The following RYR3 variants were observed in gnomAD, a reference collection of about 807,000 sequenced individuals.
The protein encoded by RYR3 is ryanodine receptor 3.
In RYR3, 207 loss-of-function variants were observed where a neutral mutation model predicts 584.3. That is an observed-to-expected ratio of 0.35 (90% CI 0.32 to 0.40). The LOEUF (loss-of-function observed/expected upper bound fraction) is 0.40, where lower values mean the gene tolerates loss of function less well. Ranked by LOEUF, RYR3 falls within the 10% of genes least tolerant of loss-of-function variation. The pLI is 1.00. For missense variants in RYR3, 5,616 were observed against 6,089.2 expected (o/e 0.92, Z 2.59); for synonymous variants, 2,416 against 2,248.5 (o/e 1.07, Z -2.11).
In RYR3 at chr15:33,819,773, C is replaced by G; in HGVS notation, c.10724C>G (p.Pro3575Arg). 6.4e-7 allele frequency: 1 copy of G among 1,568,338 alleles called. No homozygotes were observed. Among genetic ancestry groups the G allele is most frequent in the Non-Finnish European group, 8.7e-7 (1 of 1,154,254 alleles). Residue 3575 changes from proline to arginine, a missense_variant, in exon 77 of 104, where the codon CCT becomes CGT. This residue lies in a region of RYR3 where 954 missense variants were observed against 1,132.2 expected (regional missense o/e 0.84). Transcript: ENST00000634891. ...CTTTCCAGCAAATTGGAAGACGACCCTTTGTACACCTCCTATTCCAGCATG... is the reference window on the plus strand; with the variant it reads ...CTTTCCAGCAAATTGGAAGACGACCGTTTGTACACCTCCTATTCCAGCATG... ...LTERSKLEDD[P>R]LYTSYSSMMA... is the part of the protein sequence containing the mutation.
In RYR3 at chr15:33,437,436, G is replaced by T. The variant is rs190459002; in HGVS notation, c.52-35983G>T. Among the ~76,000 whole-genome samples the T allele has an allele frequency of 3.3e-5, 5 of 152,310 alleles. No homozygotes were observed. The East Asian group carries it at 9.6e-4, about 29-fold the overall frequency. On this transcript the variant is annotated intron_variant, in intron 1 of 103. Coordinates refer to ENST00000634891, the MANE Select transcript of RYR3 (RefSeq NM_001036.6). ...GTATAAAGGTCAAAGACCTGATCTT[G>T]TTACGATTTACCTTTTAGTTTTTCA... is the stretch of plus-strand genomic sequence containing the variant.
intron 1 of RYR3, among the ~76,000 whole-genome samples, chr15:33,403,307 T>G (rs953321391): frequency 6.6e-6 from 1 of 152,172 alleles, no homozygotes; most frequent in Non-Finnish European, 1.5e-5. Context: ...TTTAGTGAAA[T>G]TAACAAAATA....
At chr15:33,719,559 A>G (rs1455115124) in intron 43 of RYR3, among the ~76,000 whole-genome samples, 1 of 152,172 alleles carries the variant, frequency 6.6e-6, no homozygotes, top group Non-Finnish European at 1.5e-5. Flanking sequence ...TAAAATTTCA[A>G]CGTTTTAGCT....
At chr15:33,714,399 G>T (rs756859394) in intron 43 of RYR3, among the ~76,000 whole-genome samples, 1 of 151,984 alleles carries the variant, frequency 6.6e-6, no homozygotes, top group Non-Finnish European at 1.5e-5. Flanking sequence ...ATGTTTTAAG[G>T]CATATAATTT....
chr15:33,383,537 G>A (rs1258516089), intron 1 of RYR3, among the ~76,000 whole-genome samples: 4 of 151,908 alleles, frequency 2.6e-5, no homozygotes, highest in Non-Finnish European at 4.4e-5. Flanking sequence ...GTCCACCTTA[G>A]TCTCTACTTG....
intron 1 of RYR3, among the ~76,000 whole-genome samples, chr15:33,438,538 G>A (rs547774745): frequency 2.0e-5 from 3 of 151,990 alleles, no homozygotes; most frequent in African/African-American, 7.2e-5. Context: ...TTCTTCAACT[G>A]TCTCAGCTAT....
At chr15:33,862,450 A>G (rs1888638515) in intron 102 of RYR3, among the ~76,000 whole-genome samples, 1 of 151,776 alleles carries the variant, frequency 6.6e-6, no homozygotes, top group Non-Finnish European at 1.5e-5. Context: ...CAAGCTATCC[A>G]CCCACCTTGG....
At chr15:33,329,200 T>C (rs1970097082) in intron 1 of RYR3, among the ~76,000 whole-genome samples, 1 of 152,194 alleles carries the variant, frequency 6.6e-6, no homozygotes, top group Non-Finnish European at 1.5e-5. Flanking sequence ...GCACATGGGC[T>C]GGTGATTCTT....
intron 1 of RYR3, among the ~76,000 whole-genome samples, chr15:33,357,633 A>G (rs1012851719): frequency 2.0e-5 from 3 of 152,164 alleles, no homozygotes; most frequent in Admixed American, 6.5e-5. Context: ...TTAGAGTTTG[A>G]TTGCTCTGCC....
intron 11 of RYR3, among the ~76,000 whole-genome samples, chr15:33,563,502 C>T (rs1051219721): frequency 2.0e-5 from 3 of 152,130 alleles, no homozygotes; most frequent in Non-Finnish European, 2.9e-5. Context: ...TTGAGTGGTG[C>T]ATCACAGCCT....
chr15:33,365,460 A>G (rs2141040839), intron 1 of RYR3, among the ~76,000 whole-genome samples: 1 of 152,288 alleles, frequency 6.6e-6, no homozygotes, highest in Non-Finnish European at 1.5e-5. Flanking sequence ...TGGATGGTAA[A>G]GACTCCAGGG....
chr15:33,486,964 G>A (rs149216070), intron 2 of RYR3, among the ~76,000 whole-genome samples: 2 of 152,204 alleles, frequency 1.3e-5, no homozygotes, highest in African/African-American at 4.8e-5. Flanking sequence ...TTGAGAGGCC[G>A]AGGCAGATGG....
rs1032781384 is a variant in RYR3 at position 33,787,459 on chromosome 15, A to G, written c.9590-759A>G. Among the ~76,000 whole-genome samples the G allele has an allele frequency of 1.8e-4, 27 of 151,998 alleles. 1 individual carries two copies. The highest frequency in any genetic ancestry group is 6.5e-4 in the African/African-American group (27 of 41,402). On this transcript the variant is annotated intron_variant, in intron 66 of 103. Coordinates refer to ENST00000634891, the MANE Select transcript of RYR3 (RefSeq NM_001036.6). Reference sequence around the variant, plus strand: ...AGACACTTTGAAAAGGTGAATGTAGATTGTCAGTGGTTCACAACTCTCACT... The same window carrying G: ...AGACACTTTGAAAAGGTGAATGTAGGTTGTCAGTGGTTCACAACTCTCACT...
At chr15:33,809,217 G>T (rs1282500445) in intron 70 of RYR3, among the ~76,000 whole-genome samples, 1 of 152,160 alleles carries the variant, frequency 6.6e-6, no homozygotes, top group African/African-American at 2.4e-5. Context: ...CCACTTCCAG[G>T]GGAGGCATCT....
intron 1 of RYR3, among the ~76,000 whole-genome samples, chr15:33,375,946 T>C (rs4620926): frequency 0.15 from 22,309 of 151,872 alleles, 1,763 homozygotes; most frequent in Middle Eastern, 0.21. Context: ...CGCCTGTAGT[T>C]GCAGCTACTC....
intron 1 of RYR3, among the ~76,000 whole-genome samples, chr15:33,386,158 A>G (rs1176842512): frequency 6.6e-6 from 1 of 152,190 alleles, no homozygotes; most frequent in Non-Finnish European, 1.5e-5. Flanking sequence ...TTTGATTCAT[A>G]CAGCCTGAAA....
At chr15:33,409,183 G>A (rs1333920434) in intron 1 of RYR3, among the ~76,000 whole-genome samples, 8 of 152,012 alleles carry the variant, frequency 5.3e-5, no homozygotes, top group East Asian at 1.9e-4. Context: ...CTATGTACTC[G>A]GAGATAAGAA....
At chr15:33,845,985 C>T (rs1395431962) in intron 93 of RYR3, among the ~76,000 whole-genome samples, 16 of 152,248 alleles carry the variant, frequency 1.1e-4, no homozygotes, top group Admixed American at 1.0e-3. Flanking sequence ...GCGAGCTCAG[C>T]TGGGCTGGAA....
intron 65 of RYR3, among the ~76,000 whole-genome samples, chr15:33,783,187 G>A (rs2074485188): frequency 6.6e-6 from 1 of 152,178 alleles, no homozygotes; most frequent in Non-Finnish European, 1.5e-5. Context: ...CACCCCTAGG[G>A]TTTCTAATGC....
Sources: allele counts gnomAD v4.1 joint callset (sites outside exome capture counted in the v4.1 genomes callset), GRCh38; gene constraint gnomAD v4.1.1; regional missense constraint gnomAD v4.1.1; transcripts MANE v1.5; gene names NCBI Gene and HGNC (gene_info 2026-07-23, HGNC 2026-07-21).